The following PDE7A variants were observed in gnomAD, a reference collection of about 807,000 sequenced individuals.
PDE7A encodes phosphodiesterase 7A, also known as high affinity 3',5'-cyclic-AMP phosphodiesterase 7A.
PDE7A carries 39 observed loss-of-function variants against 64.3 expected under a neutral mutation model. That is an observed-to-expected ratio of 0.61 (90% CI 0.47 to 0.79). The LOEUF (loss-of-function observed/expected upper bound fraction) is 0.79, where lower values mean the gene tolerates loss of function less well. PDE7A is among the 30% of genes least tolerant of loss of function. PDE7A has a pLI of 0.00. For missense variants in PDE7A, 470 were observed against 582.8 expected, an observed-to-expected ratio of 0.81 and a Z score of 1.99; for synonymous variants, 203 against 206.8, an observed-to-expected ratio of 0.98 and a Z score of 0.16.
At chr8:65,830,926 A>T (rs1317559604) in intron 1 of PDE7A, among the ~76,000 whole-genome samples, 11 of 151,846 alleles carry the variant, frequency 7.2e-5, no homozygotes, top group Non-Finnish European at 1.5e-4. Context: ...AGTAAAACAA[A>T]AATAACAGTT....
intron 7 of PDE7A, among the ~76,000 whole-genome samples, chr8:65,733,237 C>T (rs1012429982): frequency 2.0e-5 from 3 of 152,156 alleles, no homozygotes; most frequent in Non-Finnish European, 2.9e-5. Context: ...ACCCTGCTCA[C>T]CTGGCATCAC....
At chr8:65,770,084 C>G (rs929077638) in intron 3 of PDE7A, among the ~76,000 whole-genome samples, 5 of 150,978 alleles carry the variant, frequency 3.3e-5, no homozygotes, top group Admixed American at 2.6e-4. Flanking sequence ...CTCAGATATG[C>G]ATTGTTAACA....
chr8:65,731,563 G>A (rs1486120136), intron 7 of PDE7A: 1 of 152,224 alleles, frequency 6.6e-6, no homozygotes, highest in Non-Finnish European at 1.5e-5. Flanking sequence ...AATGTTACCA[G>A]TGTCAATCAA....
intron 4 of PDE7A, 105 bp from the exon 5 acceptor site, chr8:65,745,575 C>T: frequency 1.5e-6 from 1 of 650,512 alleles, no homozygotes; most frequent in Non-Finnish European, 2.7e-6. Context: ...GATTGATTTA[C>T]TTTAAAAAAT....
chr8:65,768,632 A>C (rs1194540679), intron 3 of PDE7A, among the ~76,000 whole-genome samples: 1 of 152,194 alleles, frequency 6.6e-6, no homozygotes, highest in African/African-American at 2.4e-5. Context: ...ACAAATTCTT[A>C]CTGATACTTG....
intron 1 of PDE7A, among the ~76,000 whole-genome samples, chr8:65,803,368 G>A (rs1408783286): frequency 6.6e-6 from 1 of 152,164 alleles, no homozygotes; most frequent in Non-Finnish European, 1.5e-5. Flanking sequence ...TCATTATCAA[G>A]TAAAAGTTTG....
intron 12 of PDE7A, among the ~76,000 whole-genome samples, chr8:65,721,557 A>G (rs1806377357): frequency 6.6e-6 from 1 of 152,126 alleles, no homozygotes; most frequent in Non-Finnish European, 1.5e-5. Context: ...CAGATCAGTG[A>G]CCTTATCCCT....
chr8:65,733,063 G>A (rs919075729), intron 7 of PDE7A, among the ~76,000 whole-genome samples: 5 of 152,312 alleles, frequency 3.3e-5, no homozygotes, highest in South Asian at 2.1e-4. Flanking sequence ...GGAAATGCCT[G>A]CATTGTAGGG....
chr8:65,735,016 C>A lies in PDE7A; in HGVS notation c.596-122G>T, dbSNP rs531075439. On this transcript the variant is annotated intron_variant, in intron 6 of 12. Coordinates refer to ENST00000401827, the MANE Select transcript of PDE7A (RefSeq NM_001242318.3). ...ATGTAGCTATCGGCTAAAATCGTGC[C>A]GATTCGGGCAGATGATAATCACCTC... 2.4e-5 allele frequency: 16 copies of A among 656,314 alleles called. No individual in the cohort carries two copies. In the African/African-American group the frequency reaches 2.7e-4, roughly 11 times the overall value. The allele number at this position is 656,314 out of a possible 1,614,324, so 40.7% of individuals were successfully genotyped here.
intron 1 of PDE7A, among the ~76,000 whole-genome samples, chr8:65,836,142 C>A (rs748273876): frequency 6.6e-6 from 1 of 152,198 alleles, no homozygotes; most frequent in Non-Finnish European, 1.5e-5. Context: ...TGGGGTATCC[C>A]ACTCACTGGC....
In PDE7A at chr8:65,736,790, GT is replaced by G. The variant is rs34814975; in HGVS notation, c.596-1897del. On this transcript the variant is annotated intron_variant, in intron 6 of 12. Transcript: ENST00000401827. ...AAAGCCCTATGTAATAAATTTATCT[GT>G]TTTTTTTTTTTTTTTTGCCAGAGTT... Among the ~76,000 whole-genome samples, 391 of 128,764 alleles carry G rather than the reference GT, an allele frequency of 3.0e-3. 3 individuals are homozygous for G. In the South Asian group the frequency reaches 0.033, roughly 11 times the overall value. 84.5% of individuals were successfully genotyped at this position (128,764 alleles called of 152,430 possible). A position where few individuals can be genotyped will look rare whatever the true frequency, so the allele number is the denominator to read the frequency against.
At chr8:65,731,209 C>T (rs962141523) in intron 7 of PDE7A, among the ~76,000 whole-genome samples, 8 of 152,168 alleles carry the variant, frequency 5.3e-5, no homozygotes, top group African/African-American at 1.9e-4. Context: ...ATTTTTGTCA[C>T]TAGCAATTAG....
chr8:65,822,942 T>C (rs1054071269), intron 1 of PDE7A, among the ~76,000 whole-genome samples: 9 of 115,074 alleles, frequency 7.8e-5, no homozygotes, highest in Non-Finnish European at 1.3e-4. Context: ...CTATTAACTT[T>C]ATCTATCTAT....
rs763836040 is a variant in PDE7A, at chr8:65,841,341, C to T, written c.138+30G>A. 4.0e-6 allele frequency: 6 copies of T among 1,505,998 alleles called. No individual in the cohort carries two copies. The South Asian group carries it at 5.1e-5, about 13-fold the overall frequency. The allele number at this position is 1,505,998 out of a possible 1,614,324, so 93.3% of individuals were successfully genotyped here. ...CAGAGGGAAACAAAAGAGAGAAGCC[C>T]TCAAGTGTGGGCCCGGCGGCGGCGA... On this transcript the variant is annotated intron_variant, in intron 1 of 12. Transcript: ENST00000401827.
intron 3 of PDE7A, among the ~76,000 whole-genome samples, chr8:65,750,804 T>TA (rs200469728): frequency 5.8e-4 from 87 of 149,264 alleles, no homozygotes; most frequent in African/African-American, 1.2e-3. Flanking sequence ...TCCTTAACTG[T>TA]AAAAAAAAAA....
chr8:65,769,922 A>C (rs1342257508), intron 3 of PDE7A, among the ~76,000 whole-genome samples: 1 of 152,012 alleles, frequency 6.6e-6, no homozygotes, highest in Non-Finnish European at 1.5e-5. Flanking sequence ...AAACAGAAAA[A>C]CCCCACAAAT....
chr8:65,776,294 T>C (rs935706536), intron 3 of PDE7A, among the ~76,000 whole-genome samples: 4 of 152,224 alleles, frequency 2.6e-5, no homozygotes, highest in African/African-American at 7.2e-5. Context: ...TTCTGGATTC[T>C]ATAGTATGCC....
intron 3 of PDE7A, among the ~76,000 whole-genome samples, chr8:65,777,358 C>A (rs955342041): frequency 6.6e-6 from 1 of 152,052 alleles, no homozygotes; most frequent in East Asian, 1.9e-4. Flanking sequence ...GGATTACAAG[C>A]GTGAGCCACA....
intron 1 of PDE7A, among the ~76,000 whole-genome samples, chr8:65,813,582 T>C (rs1810307046): frequency 6.6e-6 from 1 of 152,234 alleles, no homozygotes. Flanking sequence ...AACAAGTTTA[T>C]TTTATATTTG....
Sources: gnomAD v4.1 joint callset for allele counts (sites outside exome capture counted in the v4.1 genomes callset) on GRCh38, gnomAD v4.1.1 for gene constraint, MANE v1.5 for transcripts, NCBI Gene and HGNC (gene_info 2026-07-23, HGNC 2026-07-21) for gene names.